Variants in CAMKK1 observed in about 807,000 individuals in gnomAD.
CAMKK1 encodes calcium/calmodulin dependent protein kinase kinase 1.
In CAMKK1, 20 loss-of-function variants were observed where a neutral mutation model predicts 63.5. That is an observed-to-expected ratio of 0.32 (90% CI 0.22 to 0.46). The LOEUF is 0.46. Ranked by LOEUF, CAMKK1 falls within the 20% of genes least tolerant of loss-of-function variation. The pLI is 1.00. For missense variants in CAMKK1, 588 were observed against 658.1 expected (o/e 0.89, Z 1.17); for synonymous variants, 253 against 269.0 (o/e 0.94, Z 0.58).
At chr17:3,885,217 G>A in intron 2 of CAMKK1, 111 bp downstream of exon 2, 1 of 1,237,652 alleles carries the variant, frequency 8.1e-7, no homozygotes, top group Non-Finnish European at 1.1e-6. Flanking sequence ...CAGCTCTGAG[G>A]GTATGCAAAC....
rs1567612753 is a variant in CAMKK1 at position 3,868,005 on chromosome 17, GCGGGCTC to G, written c.1341+1475_1341+1481del. ...GATGCAGGCACCGTCTAACTGATAC[GCGGGCTC>G]TGGGGGAGAAGCAGGCGCCGTCTAA... On this transcript the variant is annotated intron_variant, in intron 14 of 15. Coordinates refer to ENST00000348335, the MANE Select transcript of CAMKK1 (RefSeq NM_032294.3). 1.4e-4 allele frequency among the ~76,000 whole-genome samples: 17 copies of G among 117,508 alleles called. 1 individual carries two copies. Among genetic ancestry groups the G allele is most frequent in the East Asian group, 8.2e-4 (3 of 3,678 alleles). 77.1% of individuals were successfully genotyped at this position (117,508 alleles called of 152,430 possible).
At chr17:3,871,347 GTTTTTTTTT>G (rs869219931) in intron 12 of CAMKK1, among the ~76,000 whole-genome samples, 3 of 104,364 alleles carry the variant, frequency 2.9e-5, no homozygotes, top group East Asian at 2.5e-4. Flanking sequence ...TTTTTTTTTT[GTTTTTTTTT>G]TTTTTTTTTT....
intron 14 of CAMKK1, among the ~76,000 whole-genome samples, chr17:3,868,706 G>A (rs2054687144): frequency 6.6e-6 from 1 of 151,948 alleles, no homozygotes; most frequent in African/African-American, 2.4e-5. Flanking sequence ...AGGCTGGAGT[G>A]CAATGGCGTG....
At chr17:3,871,343 T>G (rs909070399) in intron 12 of CAMKK1, among the ~76,000 whole-genome samples, 7,344 of 84,120 alleles carry the variant, frequency 0.087, 347 homozygotes, top group East Asian at 0.32. Context: ...GTTTTTTTTT[T>G]TTTGTTTTTT....
chr17:3,882,892 C>T lies in CAMKK1; in HGVS notation c.648+150G>A. ...GGCCCCCAAAGCCTTCCTGCAGCCC[C>T]ACCCCAAGTCTGGCCCTGTCCTCAG... On this transcript the variant is annotated intron_variant, in intron 6 of 15. Transcript: ENST00000348335. This position sits in a 1 kb window ranked among gnomAD's most constrained non-coding sequence, Gnocchi z 4.3. The T allele has an allele frequency of 1.3e-5, 14 of 1,040,264 alleles. No homozygotes were observed. Among genetic ancestry groups the T allele is most frequent in the Non-Finnish European group, 1.8e-5 (13 of 726,170 alleles). 64.4% of individuals were successfully genotyped at this position (1,040,264 alleles called of 1,614,324 possible). A position where few individuals can be genotyped will look rare whatever the true frequency, so the allele number is the denominator to read the frequency against.
chr17:3,876,551 G>GTCCTCCTCCCAGGTCGTC, intron 9 of CAMKK1, 129 bp from the exon 10 acceptor site: 1 of 740,574 alleles, frequency 1.4e-6, no homozygotes, highest in Non-Finnish European at 2.3e-6. Context: ...GTCTGGTGAC[G>GTCCTCCTCCCAGGTCGTC]ACCTGGGAGG....
At chr17:3,885,255 C>G (rs1333670734) in intron 2 of CAMKK1, 73 bp downstream of exon 2, 5 of 1,454,440 alleles carry the variant, frequency 3.4e-6, no homozygotes, top group African/African-American at 1.4e-5. Context: ...GTGGCACAGA[C>G]AGGGGCAGGA....
At position 3,890,190 on chromosome 17, in the gene CAMKK1, G is replaced by C. The variant is rs1431609246; in HGVS notation, c.-44+2749C>G. Among the ~76,000 whole-genome samples, 4 of 152,144 alleles carry C rather than the reference G, an allele frequency of 2.6e-5. No homozygotes were observed. Among genetic ancestry groups the C allele is most frequent in the Non-Finnish European group, 5.9e-5 (4 of 68,016 alleles). On this transcript the variant is annotated intron_variant, in intron 1 of 15. Transcript: ENST00000348335. This position sits in a 1 kb window ranked among gnomAD's most constrained non-coding sequence, Gnocchi z 6.5. ...ATGGCCCTGGCAACGGGTGCCCTCC[G>C]CAGCTCCCGCCCCCACCCGGGATGA... is the stretch of plus-strand genomic sequence containing the variant.
Position 3,862,940 on chromosome 17 carries a change from G to A in CAMKK1, c.1446-657C>T, listed in dbSNP as rs1377205231. ...GCGTGAGCCACCGTGCCCGGCCTGA[G>A]GGCCTTCTGTGTTGACCTCAGTCAT... On this transcript the variant is annotated intron_variant, in intron 15 of 15. Transcript: ENST00000348335. The surrounding 1 kb of genome is among the most constrained non-coding windows in gnomAD (Gnocchi z 4.1). Among the ~76,000 whole-genome samples the A allele has an allele frequency of 6.6e-6, 1 of 152,182 alleles. No individual in the cohort carries two copies. The highest frequency in any genetic ancestry group is 2.4e-5 in the African/African-American group (1 of 41,452).
At chr17:3,870,834 T>G (rs962211101) in intron 12 of CAMKK1, among the ~76,000 whole-genome samples, 1 of 151,490 alleles carries the variant, frequency 6.6e-6, no homozygotes, top group East Asian at 1.9e-4. Flanking sequence ...CAGCAGGGGG[T>G]ATAGCAGGAA....
chr17:3,882,710 C>A lies in CAMKK1; in HGVS notation c.649-146G>T. ...GAAGCAGGAAGTGTACAGGTGGTGCCAGACTGATGGGGCCTCAGAAGTCAC... is the reference window on the plus strand; with the variant it reads ...GAAGCAGGAAGTGTACAGGTGGTGCAAGACTGATGGGGCCTCAGAAGTCAC... On this transcript the variant is annotated intron_variant, in intron 6 of 15. Transcript: ENST00000348335. This position sits in a 1 kb window ranked among gnomAD's most constrained non-coding sequence, Gnocchi z 4.3. 1.2e-6 allele frequency: 1 copy of A among 803,990 alleles called. No homozygotes were observed. The highest frequency in any genetic ancestry group is 2.0e-6 in the Non-Finnish European group (1 of 495,696). 49.8% of individuals were successfully genotyped at this position (803,990 alleles called of 1,614,324 possible).
intron 12 of CAMKK1, among the ~76,000 whole-genome samples, chr17:3,871,507 A>G (rs1465687165): frequency 6.7e-6 from 1 of 149,408 alleles, no homozygotes; most frequent in Non-Finnish European, 1.5e-5. Context: ...GGCACCCGCC[A>G]CCACGCCCGG....
In CAMKK1 at chr17:3,865,200, C is replaced by G. The variant is rs1356201123; in HGVS notation, c.1445+708G>C. 4.1e-6 allele frequency: 4 copies of G among 985,640 alleles called. No homozygotes were observed. In the African/African-American group the frequency reaches 7.0e-5, roughly 17 times the overall value. 61.1% of individuals were successfully genotyped at this position (985,640 alleles called of 1,614,324 possible). On this transcript the variant is annotated intron_variant, in intron 15 of 15. Coordinates refer to ENST00000348335, the MANE Select transcript of CAMKK1 (RefSeq NM_032294.3). ...TTTTATTATAGTGAAGAAGGTGGAT[C>G]TGCTGAGGACGAGGCGCACAGGCTT...
Position 3,880,450 on chromosome 17 carries a change from C to A in CAMKK1, c.708-16G>T, listed in dbSNP as rs150158165. On this transcript the variant is annotated splice_polypyrimidine_tract_variant and intron_variant, in intron 8 of 15. Coordinates refer to ENST00000348335, the MANE Select transcript of CAMKK1 (RefSeq NM_032294.3). The stretch of plus-strand genomic sequence containing the variant: ...CATGACGGGCCTATGGAGAAGGATG[C>A]GGGGAGGGGCATTCAGCTGAAATCA... 4 of 1,604,896 alleles carry A rather than the reference C, an allele frequency of 2.5e-6. No homozygotes were observed. The highest frequency in any genetic ancestry group is 3.4e-6 in the Non-Finnish European group (4 of 1,173,984).
In CAMKK1 at chr17:3,883,889, G is replaced by A. The variant is rs760702571; in HGVS notation, c.457C>T (p.His153Tyr). ...CCTCGTATCCCCAGACTCACATAGT[G>A]TCTGTCTTCACTTTCGTTGTAGGCC... ...RLAYNESEDR[H>Y]YAMKVLSKKK... Residue 153 changes from histidine to tyrosine, a missense_variant, in exon 4 of 16, where the codon CAC (histidine) becomes TAC (tyrosine). Physicochemically the swap from His to Tyr is moderately conservative, Grantham distance 83. Transcript: ENST00000348335. The surrounding 1 kb of genome is among the most constrained non-coding windows in gnomAD (Gnocchi z 4.7). 1.1e-5 allele frequency: 17 copies of A among 1,613,756 alleles called. No homozygotes were observed. The highest frequency in any genetic ancestry group is 1.4e-5 in the Non-Finnish European group (17 of 1,179,918).
At chr17:3,880,055 G>A in intron 9 of CAMKK1, 5 of 409,872 alleles carry the variant, frequency 1.2e-5, no homozygotes, top group South Asian at 6.6e-5. Context: ...CCGTGGCAAC[G>A]CTAAGCTAGG....
At position 3,861,979 on chromosome 17, in the gene CAMKK1, G is replaced by C; in HGVS notation, c.*232C>G. On this transcript the variant is annotated 3_prime_UTR_variant, in exon 16 of 16. Coordinates refer to ENST00000348335, the MANE Select transcript of CAMKK1 (RefSeq NM_032294.3). ...AATGGGTCAGGCCAAGGAGGTCCAA[G>C]AAGAGGAGGATGGCCTCGTGGGAGC... is the stretch of plus-strand genomic sequence containing the variant. 1 of 577,322 alleles carries C rather than the reference G, an allele frequency of 1.7e-6. No homozygotes were observed. The highest frequency in any genetic ancestry group is 2.0e-5 in the South Asian group (1 of 48,836). The allele number at this position is 577,322 out of a possible 1,614,324, so 35.8% of individuals were successfully genotyped here.
intron 13 of CAMKK1, 76 bp from the exon 14 acceptor site, chr17:3,869,691 C>T (rs2143807068): frequency 1.2e-6 from 2 of 1,609,264 alleles, no homozygotes; most frequent in East Asian, 4.5e-5. Context: ...GTCCAAAGTC[C>T]ACAGACTCAA....
chr17:3,878,507 G>C (rs1289847798), intron 9 of CAMKK1, among the ~76,000 whole-genome samples: 1 of 152,216 alleles, frequency 6.6e-6, no homozygotes, highest in Non-Finnish European at 1.5e-5. Flanking sequence ...GATTGTGCCT[G>C]CCACTGACCG....
Sources: allele counts gnomAD v4.1 joint callset (sites outside exome capture counted in the v4.1 genomes callset), GRCh38; gene constraint gnomAD v4.1.1; non-coding constraint Gnocchi (gnomAD v3.1); transcripts MANE v1.5; gene names NCBI Gene and HGNC (gene_info 2026-07-23, HGNC 2026-07-21).